The following RBM6 variants were observed in gnomAD, a reference collection of about 807,000 sequenced individuals.
RBM6 encodes the protein RNA binding motif protein 6, also known as RNA-binding protein 6.
RBM6 carries 23 observed loss-of-function variants against 140.4 expected under a neutral mutation model. That is an observed-to-expected ratio of 0.16 (90% CI 0.12 to 0.23). The LOEUF is 0.23. Ranked by LOEUF, RBM6 falls within the 10% of genes least tolerant of loss-of-function variation. The probability of loss-of-function intolerance (pLI) is 1.00; values close to 1 mark genes in which losing one functional copy is unlikely to be tolerated. For missense variants in RBM6, 1,139 were observed against 1,386.7 expected (o/e 0.82, Z 2.84); for synonymous variants, 439 against 475.6 (o/e 0.92, Z 1.00).
intron 1 of RBM6, among the ~76,000 whole-genome samples, chr3:49,944,539 G>A (rs994730838): frequency 3.4e-5 from 5 of 148,908 alleles, no homozygotes; most frequent in African/African-American, 1.0e-4. Flanking sequence ...GCAGTGGCGC[G>A]ACCTTGGCTC....
chr3:50,019,041 A>ATT (rs879431783), intron 6 of RBM6, among the ~76,000 whole-genome samples: 2 of 143,138 alleles, frequency 1.4e-5, no homozygotes, highest in African/African-American at 5.1e-5. Context: ...TTATTTATTT[A>ATT]TTTTTTTTTT....
At position 50,057,998 on chromosome 3, in the gene RBM6, G is replaced by A; in HGVS notation, c.1964G>A (p.Ser655Asn). 1 of 1,612,796 alleles carries A rather than the reference G, an allele frequency of 6.2e-7. No homozygotes were observed. Among genetic ancestry groups the A allele is most frequent in the Non-Finnish European group, 8.5e-7 (1 of 1,179,654 alleles). ...GGAGAGACACGCCAGGATGGAGAGA[G>A]CAAAAGTAAGTAGTTTGTCAGGGCA... The part of the protein sequence containing the change: ...WSGETRQDGE[S>N]KTIMLKRIYR... Residue 655 changes from serine (S) to asparagine (N), a missense_variant, in exon 9 of 21, where the codon AGC becomes AAC. This residue lies in a region of RBM6 where 109 missense variants were observed against 101.9 expected (regional missense o/e 1.07). Transcript: ENST00000266022.
intron 1 of RBM6, among the ~76,000 whole-genome samples, chr3:49,962,150 TAAAAAA>T (rs66697775): frequency 8.9e-6 from 1 of 112,458 alleles, no homozygotes; most frequent in Non-Finnish European, 1.8e-5. Flanking sequence ...CTCCATCTCT[TAAAAAA>T]AAAAAAAAAA....
intron 5 of RBM6, among the ~76,000 whole-genome samples, chr3:49,983,943 A>G (rs2085425717): frequency 6.6e-6 from 1 of 152,154 alleles, no homozygotes; most frequent in Non-Finnish European, 1.5e-5. Context: ...TCCTGGAACA[A>G]GGGTTAATTT....
intron 6 of RBM6, among the ~76,000 whole-genome samples, chr3:50,000,490 G>A (rs766764113): frequency 4.0e-5 from 6 of 149,984 alleles, no homozygotes; most frequent in Non-Finnish European, 7.4e-5. Context: ...GTGCGATCTC[G>A]GCTCACTGCT....
chr3:50,069,370 G>A (rs1162003105), intron 18 of RBM6, among the ~76,000 whole-genome samples: 4 of 152,006 alleles, frequency 2.6e-5, no homozygotes, highest in African/African-American at 9.7e-5. Flanking sequence ...AAAATTAGGT[G>A]GACATGGGGT....
chr3:50,054,308 T>C, intron 7 of RBM6, 27 bp from the exon 8 acceptor site: 1 of 1,578,472 alleles, frequency 6.3e-7, no homozygotes, highest in Non-Finnish European at 8.7e-7. Flanking sequence ...ATGTTTTCAG[T>C]CAAATTGATT....
Position 50,068,056 on chromosome 3 carries a change from A to C in RBM6, c.2944-634A>C, listed in dbSNP as rs1289784077. On this transcript the variant is annotated intron_variant, in intron 17 of 20. Transcript: ENST00000266022. Reference sequence around the variant, plus strand: ...TAAATACTAATAAATGGCTAAAGAGATAAAAAGTAATCGTCAGGAAAGAGG... The same window carrying C: ...TAAATACTAATAAATGGCTAAAGAGCTAAAAAGTAATCGTCAGGAAAGAGG... 4.6e-5 allele frequency among the ~76,000 whole-genome samples: 7 copies of C among 152,320 alleles called. No homozygotes were observed. In the East Asian group the frequency reaches 1.3e-3, roughly 29 times the overall value.
In RBM6 at chr3:50,025,606, T is replaced by TTTTTTTTTG. The variant is rs1559601257; in HGVS notation, c.1558-22639_1558-22638insTTTTTTTTG. ...ACTTTAATTTTTTTTTTTTTTTTTT[T>TTTTTTTTTG]AAGAGACAGGGTGTCACTATGTTGC... is the stretch of plus-strand genomic sequence containing the variant. On this transcript the variant is annotated intron_variant, in intron 6 of 20. Transcript: ENST00000266022. Among the ~76,000 whole-genome samples the TTTTTTTTTG allele has an allele frequency of 6.4e-5, 9 of 140,346 alleles. No homozygotes were observed. In the East Asian group the frequency reaches 8.9e-4, roughly 14 times the overall value. 92.1% of individuals were successfully genotyped at this position (140,346 alleles called of 152,430 possible).
intron 6 of RBM6, among the ~76,000 whole-genome samples, chr3:50,046,050 A>G (rs1239827229): frequency 6.6e-6 from 1 of 152,088 alleles, no homozygotes; most frequent in Non-Finnish European, 1.5e-5. Context: ...TGGGAGGCCA[A>G]AGCGGGCAGA....
chr3:49,968,799 G>A (rs1175115995), intron 3 of RBM6, 51 bp downstream of exon 3: 20 of 992,230 alleles, frequency 2.0e-5, no homozygotes, highest in Non-Finnish European at 2.4e-5. Flanking sequence ...TTTTTTTTTT[G>A]AGACGGAGTC....
chr3:49,947,262 A>AAG (rs2083532306), intron 1 of RBM6, among the ~76,000 whole-genome samples: 1 of 60,024 alleles, frequency 1.7e-5, no homozygotes, highest in African/African-American at 5.5e-5. Flanking sequence ...AAAAAAAAAA[A>AAG]GGGGGGGGGG....
chr3:50,040,305 G>A (rs2088808547), intron 6 of RBM6, among the ~76,000 whole-genome samples: 1 of 151,446 alleles, frequency 6.6e-6, no homozygotes, highest in Non-Finnish European at 1.5e-5. Flanking sequence ...AATTAGCCAG[G>A]CGTGGTGATG....
rs113803518 is a variant in RBM6, at chr3:50,011,038, G to T, written c.1557+11525G>T. Among the ~76,000 whole-genome samples, 286 of 150,312 alleles carry T rather than the reference G, an allele frequency of 1.9e-3. 4 individuals carry two copies. Among genetic ancestry groups the T allele is most frequent in the African/African-American group, 6.7e-3 (274 of 40,844 alleles). ...CCCCAAAAAGATTGTCTATCAGTTT[G>T]TCAGGAAGTTAGAGTAAAATGGTCT... is the stretch of plus-strand genomic sequence containing the variant. On this transcript the variant is annotated intron_variant, in intron 6 of 20. Coordinates refer to ENST00000266022, the MANE Select transcript of RBM6 (RefSeq NM_005777.3).
At chr3:50,038,488 C>T (rs951961297) in intron 6 of RBM6, among the ~76,000 whole-genome samples, 1 of 152,016 alleles carries the variant, frequency 6.6e-6, no homozygotes, top group African/African-American at 2.4e-5. Context: ...AAGAAAAGAG[C>T]CAGGGAGCTC....
At chr3:50,025,665 T>C (rs1382669845) in intron 6 of RBM6, among the ~76,000 whole-genome samples, 1 of 149,310 alleles carries the variant, frequency 6.7e-6, no homozygotes, top group Non-Finnish European at 1.5e-5. Context: ...CCTTAAGCCG[T>C]CCTCCTGCTT....
chr3:50,037,228 C>T (rs2088598155), intron 6 of RBM6, among the ~76,000 whole-genome samples: 1 of 152,198 alleles, frequency 6.6e-6, no homozygotes, highest in South Asian at 2.1e-4. Context: ...AGGAAGACCC[C>T]ATGTCTGCAT....
chr3:50,048,162 A>G, intron 6 of RBM6, 83 bp from the exon 7 acceptor site: 2 of 1,546,122 alleles, frequency 1.3e-6, no homozygotes, highest in Non-Finnish European at 1.7e-6. Context: ...CAGCTTGGGG[A>G]TTGGAAAGGC....
chr3:49,990,320 C>T (rs2085762816), intron 5 of RBM6, among the ~76,000 whole-genome samples: 1 of 152,078 alleles, frequency 6.6e-6, no homozygotes, highest in Non-Finnish European at 1.5e-5. Context: ...GTATTGAACA[C>T]CATAGGCAAT....
Sources: allele counts gnomAD v4.1 joint callset (sites outside exome capture counted in the v4.1 genomes callset), GRCh38; gene constraint gnomAD v4.1.1; regional missense constraint gnomAD v4.1.1; transcripts MANE v1.5; gene names NCBI Gene and HGNC (gene_info 2026-07-23, HGNC 2026-07-21).